DACH2: variants seen among roughly 807,000 people sequenced by gnomAD.
DACH2 encodes the protein dachshund homolog 2.
A neutral mutation model predicts 35.8 loss-of-function variants in DACH2; 17 were observed. The observed-to-expected ratio is 0.48, with a 90% CI of 0.33 to 0.71. The LOEUF is 0.71. Among genes scored for constraint, DACH2 ranks in the 30% least tolerant of loss-of-function variants. The pLI is 0.02. For missense variants in DACH2, 469 were observed against 472.7 expected, an observed-to-expected ratio of 0.99 and a Z score of 0.07; for synonymous variants, 195 against 177.3, an observed-to-expected ratio of 1.10 and a Z score of -0.79.
chrX:86,156,209 TAAAAC>T (rs1434914650), intron 1 of DACH2, among the ~76,000 whole-genome samples: 4 of 111,433 alleles, frequency 3.6e-5, no homozygotes, highest in Non-Finnish European at 3.8e-5. Context: ...ATTTGTTACA[TAAAAC>T]AAAACCTTGG....
chrX:86,277,416 A>G (rs962659246), intron 1 of DACH2, among the ~76,000 whole-genome samples: 1 of 111,958 alleles, frequency 8.9e-6, no homozygotes, highest in Non-Finnish European at 1.9e-5. Flanking sequence ...ACATTCTTAA[A>G]TAAATGTGGT....
At chrX:86,294,033 C>T (rs2034378469) in intron 1 of DACH2, among the ~76,000 whole-genome samples, 1 of 111,768 alleles carries the variant, frequency 8.9e-6, no homozygotes. Flanking sequence ...CAACTTGGTT[C>T]CATTCTCCCC....
chrX:86,750,220 TG>T (rs1446744787), intron 7 of DACH2, among the ~76,000 whole-genome samples: 1 of 111,139 alleles, frequency 9.0e-6, no homozygotes, highest in Admixed American at 9.6e-5. Flanking sequence ...ATTATGTGAT[TG>T]GTGGGCTTTA....
intron 1 of DACH2, among the ~76,000 whole-genome samples, chrX:86,362,702 C>T (rs2035754891): frequency 9.0e-6 from 1 of 111,154 alleles, no homozygotes; most frequent in African/African-American, 3.3e-5. Flanking sequence ...TCTCCCTTTT[C>T]TAGAGCCGGT....
At chrX:86,161,080 G>A in intron 1 of DACH2, 1 of 1,077,395 alleles carries the variant, frequency 9.3e-7, no homozygotes, top group Non-Finnish European at 1.3e-6. Flanking sequence ...CCAGAAATTG[G>A]CACAAATGCT....
chrX:86,634,623 T>C (rs187087777), intron 3 of DACH2, among the ~76,000 whole-genome samples: 1 of 111,420 alleles, frequency 9.0e-6, no homozygotes, highest in East Asian at 2.8e-4. Flanking sequence ...AATCAAGGTA[T>C]GAAAATCAGT....
intron 1 of DACH2, among the ~76,000 whole-genome samples, chrX:86,197,038 G>T (rs2032010075): frequency 8.9e-6 from 1 of 111,775 alleles, no homozygotes; most frequent in Non-Finnish European, 1.9e-5. Context: ...ACAAAGGGAA[G>T]CCTGTCAAAC....
intron 7 of DACH2, among the ~76,000 whole-genome samples, chrX:86,789,100 T>C (rs1415304517): frequency 8.9e-6 from 1 of 112,250 alleles, no homozygotes; most frequent in African/African-American, 3.2e-5. Context: ...CATTTTACTA[T>C]GAATGTAAAA....
At chrX:86,697,406 A>G (rs2041079988) in intron 5 of DACH2, among the ~76,000 whole-genome samples, 1 of 111,227 alleles carries the variant, frequency 9.0e-6, no homozygotes, top group Admixed American at 9.6e-5. Context: ...AGATCAGCAT[A>G]AAACCTATCA....
At chrX:86,546,357 C>CTCTTCTTCTTCTTCTTCTTCTTCTTCT (rs1195943792) in intron 3 of DACH2, among the ~76,000 whole-genome samples, 1,469 of 50,044 alleles carry the variant, frequency 0.029, 109 homozygotes, top group East Asian at 0.067. Flanking sequence ...CTTCTTCTTC[C>CTCTTCTTCTTCTTCTTCTTCTTCTTCT]TCTTCTTCTT....
chrX:86,270,404 G>A lies in DACH2; in HGVS notation c.489-106420G>A, dbSNP rs1359695975. Among the ~76,000 whole-genome samples the A allele has an allele frequency of 3.6e-5, 4 of 111,326 alleles. No individual in the cohort carries two copies. The East Asian group carries it at 8.5e-4, about 24-fold the overall frequency. ...ACTTCTGAGAATGGAACAAGTGGAA[G>A]GGAAAATAAGACAATGGCCATCAAG... On this transcript the variant is annotated intron_variant, in intron 1 of 11. Transcript: ENST00000373125.
At chrX:86,240,921 T>C (rs1476978499) in intron 1 of DACH2, among the ~76,000 whole-genome samples, 1 of 111,707 alleles carries the variant, frequency 9.0e-6, no homozygotes, top group Non-Finnish European at 1.9e-5. Context: ...TCCACCATGA[T>C]TGTAAGTTTC....
chrX:86,733,274 A>G (rs772872434), intron 6 of DACH2, among the ~76,000 whole-genome samples: 57 of 111,733 alleles, frequency 5.1e-4, no homozygotes, highest in African/African-American at 1.8e-3. Flanking sequence ...TATTAGTAAT[A>G]CAGACTTTAA....
intron 1 of DACH2, among the ~76,000 whole-genome samples, chrX:86,236,261 A>C (rs1029349225): frequency 2.7e-5 from 3 of 112,655 alleles, no homozygotes; most frequent in African/African-American, 9.7e-5. Flanking sequence ...GCACCAGGAC[A>C]AGAACTATGT....
At chrX:86,228,452 A>G (rs1230997835) in intron 1 of DACH2, among the ~76,000 whole-genome samples, 2 of 95,601 alleles carry the variant, frequency 2.1e-5, no homozygotes, top group Admixed American at 2.2e-4. Context: ...GGTAAAGAGG[A>G]AAAAAAAAAA....
At chrX:86,254,095 A>C (rs764013711) in intron 1 of DACH2, among the ~76,000 whole-genome samples, 2 of 111,901 alleles carry the variant, frequency 1.8e-5, no homozygotes, top group East Asian at 5.6e-4. Context: ...GGAACATCAA[A>C]CTTCTTGTTA....
chrX:86,393,327 C>G (rs769569336), intron 2 of DACH2, among the ~76,000 whole-genome samples: 6 of 111,677 alleles, frequency 5.4e-5, no homozygotes, highest in Non-Finnish European at 1.1e-4. Flanking sequence ...CTATATATGC[C>G]TATCAACTAG....
chrX:86,827,927 T>G, intron 11 of DACH2: 1 of 616,485 alleles, frequency 1.6e-6, no homozygotes. Context: ...AAATAGAACC[T>G]TACACATACA....
intron 2 of DACH2, among the ~76,000 whole-genome samples, chrX:86,401,314 C>A (rs2036424478): frequency 8.9e-6 from 1 of 112,230 alleles, no homozygotes; most frequent in Admixed American, 9.4e-5. Context: ...ATTCCACGAC[C>A]CCTTGCACTT....
Sources: allele counts gnomAD v4.1 joint callset (sites outside exome capture counted in the v4.1 genomes callset), GRCh38; gene constraint gnomAD v4.1.1; transcripts MANE v1.5; gene names NCBI Gene and HGNC (gene_info 2026-07-23, HGNC 2026-07-21).